The following IL6 variants were observed in gnomAD, a reference collection of about 807,000 sequenced individuals.
IL6 encodes interleukin-6.
Under a neutral mutation model 18.0 loss-of-function variants are expected in IL6, and 5 were observed. That is an observed-to-expected ratio of 0.28 (90% CI 0.15 to 0.58). The LOEUF (loss-of-function observed/expected upper bound fraction) is 0.58. Among genes scored for constraint, IL6 ranks in the 20% least tolerant of loss-of-function variants. The probability of loss-of-function intolerance (pLI) is 0.90; values close to 1 mark genes in which losing one functional copy is unlikely to be tolerated. For synonymous variants in IL6, 97 were observed against 95.1 expected (o/e 1.02, Z -0.12); for missense variants, 266 against 251.0 (o/e 1.06, Z -0.40).
At chr7:22,728,917 G>A (rs999231782) in intron 3 of IL6, 111 bp downstream of exon 3, 2 of 680,330 alleles carry the variant, frequency 2.9e-6, no homozygotes, top group Non-Finnish European at 5.3e-6. Context: ...GTGGGTAAAT[G>A]TAAAGAATGT....
intron 4 of IL6, chr7:22,730,284 T>G: frequency 1.0e-6 from 1 of 985,362 alleles, no homozygotes; most frequent in South Asian, 4.7e-5. Context: ...CCTCTGCCAT[T>G]TCTACTTAAG....
intron 2 of IL6, 89 bp from the exon 3 acceptor site, chr7:22,728,604 C>T: frequency 1.3e-6 from 1 of 769,776 alleles, no homozygotes; most frequent in Non-Finnish European, 2.3e-6. Flanking sequence ...TAGAGACTTT[C>T]CTGGCTGTGG....
chr7:22,727,481 C>T lies in IL6; in HGVS notation c.57C>T (p.Leu19=). ...CAGTTGCCTTCTCCCTGGGGCTGCTCCTGGTGTTGCCTGCTGCCTTCCCTG... is the reference window on the plus strand; with the variant it reads ...CAGTTGCCTTCTCCCTGGGGCTGCTTCTGGTGTTGCCTGCTGCCTTCCCTG... ...FGPVAFSLGL[L]LVLPAAFPAP... Residue 19 remains leucine (L), a synonymous_variant, in exon 2 of 5, where the codon CTC becomes CTT. Coordinates refer to ENST00000258743, the MANE Select transcript of IL6 (RefSeq NM_000600.5). 6.2e-7 allele frequency: 1 copy of T among 1,614,076 alleles called. No individual in the cohort carries two copies. The highest frequency in any genetic ancestry group is 8.5e-7 in the Non-Finnish European group (1 of 1,179,952).
chr7:22,730,446 T>C (rs150863637), intron 4 of IL6: 9 of 217,722 alleles, frequency 4.1e-5, no homozygotes. Flanking sequence ...AGGACCACAC[T>C]TGGAGGTTTA....
In IL6 at chr7:22,731,649, T is replaced by A; in HGVS notation, c.*76T>A. 8.8e-7 allele frequency: 1 copy of A among 1,135,986 alleles called. No individual in the cohort carries two copies. The highest frequency in any genetic ancestry group is 2.7e-5 in the East Asian group (1 of 37,372). The allele number at this position is 1,135,986 out of a possible 1,614,324, so 70.4% of individuals were successfully genotyped here. On this transcript the variant is annotated 3_prime_UTR_variant, in exon 5 of 5. Transcript: ENST00000258743. Reference sequence around the variant, plus strand: ...GAAACCTGTCCACTGGGCACAGAACTTATGTTGTTCTCTATGGAGAACTAA... The same window carrying A: ...GAAACCTGTCCACTGGGCACAGAACATATGTTGTTCTCTATGGAGAACTAA...
Position 22,731,589 on chromosome 7 carries a change from T to C in IL6, c.*16T>C, listed in dbSNP as rs1422344998. On this transcript the variant is annotated 3_prime_UTR_variant, in exon 5 of 5. Coordinates refer to ENST00000258743, the MANE Select transcript of IL6 (RefSeq NM_000600.5). ...GCAAATGTAGCATGGGCACCTCAGA[T>C]TGTTGTTGTTAATGGGCATTCCTTC... 1 of 1,559,856 alleles carries C rather than the reference T, an allele frequency of 6.4e-7. No individual in the cohort carries two copies. The highest frequency in any genetic ancestry group is 8.7e-7 in the Non-Finnish European group (1 of 1,143,498).
chr7:22,731,052 A>G (rs1244625187), intron 4 of IL6, among the ~76,000 whole-genome samples: 1 of 152,026 alleles, frequency 6.6e-6, no homozygotes, highest in Non-Finnish European at 1.5e-5. Flanking sequence ...CCTGGTCAAC[A>G]TGGTAAAACC....
rs558746137 is a variant in IL6, at chr7:22,728,556, C to T, written c.211-137C>T. 16 of 629,200 alleles carry T rather than the reference C, an allele frequency of 2.5e-5. No individual in the cohort carries two copies. In the East Asian group the frequency reaches 4.1e-4, roughly 16 times the overall value. 39.0% of individuals were successfully genotyped at this position (629,200 alleles called of 1,614,324 possible). On this transcript the variant is annotated intron_variant, in intron 2 of 4. Coordinates refer to ENST00000258743, the MANE Select transcript of IL6 (RefSeq NM_000600.5). ...TGTGCCCCCACTCCACTGGAATTTG[C>T]TTGCCAGGATGCCAATGAGTTGTAG...
rs750034699 is a variant in IL6, at chr7:22,731,480, G to C, written c.546G>C (p.Gln182His). ...GCCTGCTGACGAAGCTGCAGGCACA[G>C]AACCAGTGGCTGCAGGACATGACAA... ...NASLLTKLQA[Q>H]NQWLQDMTTH... The change falls in exon 5 of 5, where the codon CAG becomes CAC. Residue 182 changes from glutamine (Q) to histidine (H), a missense_variant. Coordinates refer to ENST00000258743, the MANE Select transcript of IL6 (RefSeq NM_000600.5). 1 of 1,609,164 alleles carries C rather than the reference G, an allele frequency of 6.2e-7. No individual in the cohort carries two copies. Among genetic ancestry groups the C allele is most frequent in the Non-Finnish European group, 8.5e-7 (1 of 1,176,394 alleles).
At chr7:22,727,408 T>G in intron 1 of IL6, 36 bp from the exon 2 acceptor site, 7 of 1,613,454 alleles carry the variant, frequency 4.3e-6, no homozygotes, top group Non-Finnish European at 5.9e-6. Flanking sequence ...AGCTGTGCTG[T>G]CAGCTCACCC....
At position 22,727,544 on chromosome 7, in the gene IL6, C is replaced by T. The variant is rs929715560; in HGVS notation, c.120C>T (p.Ala40=). ...CAGGAGAAGATTCCAAAGATGTAGC[C>T]GCCCCACACAGACAGCCACTCACCT... ...VPPGEDSKDV[A]APHRQPLTSS... Residue 40 remains alanine, a synonymous_variant, in exon 2 of 5, where the codon GCC becomes GCT. Coordinates refer to ENST00000258743, the MANE Select transcript of IL6 (RefSeq NM_000600.5). 4.3e-6 allele frequency: 7 copies of T among 1,611,922 alleles called. No individual in the cohort carries two copies. Among genetic ancestry groups the T allele is most frequent in the Non-Finnish European group, 5.9e-6 (7 of 1,179,218 alleles).
chr7:22,729,327 A>C (rs1784078066), intron 3 of IL6, among the ~76,000 whole-genome samples, 187 bp from the exon 4 acceptor site: 1 of 152,226 alleles, frequency 6.6e-6, no homozygotes, highest in Admixed American at 6.5e-5. Context: ...AACTAATTAC[A>C]TGGGGCCTCT....
At chr7:22,729,121 A>G (rs1245861605) in intron 3 of IL6, among the ~76,000 whole-genome samples, 2 of 152,342 alleles carry the variant, frequency 1.3e-5, no homozygotes, top group African/African-American at 4.8e-5. Context: ...TGCCCCTGGC[A>G]GGGTCCAGGT....
At chr7:22,729,462 A>T in intron 3 of IL6, 52 bp from the exon 4 acceptor site, 2 of 1,563,848 alleles carry the variant, frequency 1.3e-6, no homozygotes, top group South Asian at 1.2e-5. Flanking sequence ...AACTTTTCAA[A>T]TTGATTCTAT....
intron 1 of IL6, 64 bp downstream of exon 1, chr7:22,727,345 G>A: frequency 6.2e-7 from 1 of 1,613,884 alleles, no homozygotes; most frequent in Non-Finnish European, 8.5e-7. Context: ...GTGAGGGAGG[G>A]GTGTGTGGCC....
Position 22,728,707 on chromosome 7 carries a change from T to A in IL6, c.225T>A (p.Ser75Arg). The change falls in exon 3 of 5, where the codon AGT (serine) becomes AGA (arginine). Residue 75 changes from serine (S) to arginine (R), a missense_variant. Coordinates refer to ENST00000258743, the MANE Select transcript of IL6 (RefSeq NM_000600.5). The stretch of plus-strand genomic sequence containing the variant: ...TTCTTTCCCAGACATGTAACAAGAG[T>A]AACATGTGTGAAAGCAGCAAAGAGG... The part of the protein sequence containing the change: ...SALRKETCNK[S>R]NMCESSKEAL... 1 of 1,603,994 alleles carries A rather than the reference T, an allele frequency of 6.2e-7. No homozygotes were observed. The highest frequency in any genetic ancestry group is 8.5e-7 in the Non-Finnish European group (1 of 1,170,900).
rs771282862 is a variant in IL6 at position 22,731,431 on chromosome 7, C to T, written c.497C>T (p.Thr166Ile). 6.2e-7 allele frequency: 1 copy of T among 1,602,296 alleles called. No individual in the cohort carries two copies. Among genetic ancestry groups the T allele is most frequent in the Non-Finnish European group, 8.5e-7 (1 of 1,171,704 alleles). The change falls in exon 5 of 5, where the codon ACC becomes ATC. Residue 166 changes from threonine (T) to isoleucine (I), a missense_variant. Transcript: ENST00000258743. ...GCAAAGAATCTAGATGCAATAACCA[C>T]CCCTGACCCAACCACAAATGCCAGC... Reference protein sequence around the residue: ...KKAKNLDAITTPDPTTNASLL... With the variant: ...KKAKNLDAITIPDPTTNASLL...
chr7:22,729,448 T>C, intron 3 of IL6, 66 bp from the exon 4 acceptor site: 6 of 1,507,270 alleles, frequency 4.0e-6, no homozygotes, highest in Non-Finnish European at 4.6e-6. Context: ...ACTGTGGCAA[T>C]TTTAACTTTT....
intron 4 of IL6, chr7:22,730,054 T>G: frequency 2.0e-6 from 2 of 985,362 alleles, no homozygotes; most frequent in South Asian, 4.7e-5. Flanking sequence ...CCAAGTGACA[T>G]TCTTCTCACT....
Sources: allele counts gnomAD v4.1 joint callset (sites outside exome capture counted in the v4.1 genomes callset), GRCh38; gene constraint gnomAD v4.1.1; transcripts MANE v1.5; gene names NCBI Gene and HGNC (gene_info 2026-07-23, HGNC 2026-07-21).